CACNA2D3: variants seen among roughly 807,000 people sequenced by gnomAD.
The protein encoded by CACNA2D3 is calcium voltage-gated channel auxiliary subunit alpha2delta 3.
Under a neutral mutation model 160.6 loss-of-function variants are expected in CACNA2D3, and 60 were observed. The ratio of observed to expected loss-of-function variants is 0.37; its 90% confidence interval spans 0.30 to 0.46. The LOEUF (loss-of-function observed/expected upper bound fraction) is 0.46, where lower values mean the gene tolerates loss of function less well. CACNA2D3 is among the 20% of genes least tolerant of loss of function. The probability of loss-of-function intolerance (pLI) is 1.00; values close to 1 mark genes in which losing one functional copy is unlikely to be tolerated. For synonymous variants in CACNA2D3, 558 were observed against 492.9 expected, an observed-to-expected ratio of 1.13 and a Z score of -1.75; for missense variants, 1,205 against 1,365.0, an observed-to-expected ratio of 0.88 and a Z score of 1.85.
intron 34 of CACNA2D3, among the ~76,000 whole-genome samples, chr3:55,017,389 C>A (rs1575437207): frequency 6.6e-6 from 1 of 152,126 alleles, no homozygotes; most frequent in African/African-American, 2.4e-5. Flanking sequence ...ATTATAATGT[C>A]AAAATGGCTT....
intron 11 of CACNA2D3, among the ~76,000 whole-genome samples, chr3:54,694,653 A>G (rs1165391724): frequency 6.6e-6 from 1 of 152,114 alleles, no homozygotes; most frequent in East Asian, 1.9e-4. Flanking sequence ...CAAAATACCA[A>G]AACTTGAATT....
intron 3 of CACNA2D3, among the ~76,000 whole-genome samples, chr3:54,326,985 T>C (rs1361349056): frequency 2.0e-5 from 3 of 152,184 alleles, no homozygotes; most frequent in African/African-American, 7.2e-5. Context: ...ATCGTACGTA[T>C]ATATGTAAGG....
At chr3:54,728,813 T>TCTC (rs1258775726) in intron 11 of CACNA2D3, among the ~76,000 whole-genome samples, 1 of 152,240 alleles carries the variant, frequency 6.6e-6, no homozygotes, top group Non-Finnish European at 1.5e-5. Context: ...ACATGTGCTG[T>TCTC]CTCCTCCTTG....
chr3:54,123,627 T>G (rs1419600686), intron 2 of CACNA2D3, 33 bp downstream of exon 2: 14 of 1,560,060 alleles, frequency 9.0e-6, no homozygotes, highest in Non-Finnish European at 1.2e-5. Context: ...AAGCGATGAT[T>G]TTTCCGGCAC....
intron 4 of CACNA2D3, among the ~76,000 whole-genome samples, chr3:54,473,000 G>A (rs976150150): frequency 1.2e-4 from 19 of 152,052 alleles, no homozygotes; most frequent in African/African-American, 2.9e-4. Flanking sequence ...TCAAGCTACC[G>A]TTGACTTTTT....
At chr3:54,729,208 A>C (rs1701336632) in intron 11 of CACNA2D3, among the ~76,000 whole-genome samples, 1 of 152,166 alleles carries the variant, frequency 6.6e-6, no homozygotes, top group Admixed American at 6.5e-5. Flanking sequence ...GGTGTGAGCC[A>C]CTGCACCCAG....
chr3:54,401,587 A>C (rs1699465888), intron 4 of CACNA2D3, among the ~76,000 whole-genome samples: 1 of 152,214 alleles, frequency 6.6e-6, no homozygotes, highest in Admixed American at 6.5e-5. Context: ...CAGGAGAGAA[A>C]GGGATGAAAA....
chr3:54,661,534 G>A (rs1437383886), intron 11 of CACNA2D3, among the ~76,000 whole-genome samples: 2 of 152,000 alleles, frequency 1.3e-5, no homozygotes, highest in Non-Finnish European at 2.9e-5. Context: ...CTTGACTTAG[G>A]AAAGGGGCTA....
intron 31 of CACNA2D3, among the ~76,000 whole-genome samples, chr3:54,991,014 A>T (rs1254291492): frequency 6.6e-6 from 1 of 152,118 alleles, no homozygotes; most frequent in Non-Finnish European, 1.5e-5. Flanking sequence ...CAACTCACAG[A>T]CCAATAGGTT....
At chr3:54,364,929 AGT>A (rs1459151335) in intron 3 of CACNA2D3, among the ~76,000 whole-genome samples, 2 of 152,248 alleles carry the variant, frequency 1.3e-5, no homozygotes, top group East Asian at 3.8e-4. Flanking sequence ...CAGATTTCTT[AGT>A]ATGTACCATC....
intron 5 of CACNA2D3, among the ~76,000 whole-genome samples, chr3:54,560,816 C>T (rs1462964054): frequency 1.3e-5 from 2 of 152,206 alleles, no homozygotes; most frequent in African/African-American, 4.8e-5. Flanking sequence ...ATTCCAGCAT[C>T]ATTTATTGAA....
chr3:55,003,951 T>C (rs769708193), intron 31 of CACNA2D3, among the ~76,000 whole-genome samples: 1 of 152,174 alleles, frequency 6.6e-6, no homozygotes, highest in Non-Finnish European at 1.5e-5. Flanking sequence ...ACTTTGAGAC[T>C]GCTTCAAGTC....
At chr3:54,702,381 T>C (rs1422498510) in intron 11 of CACNA2D3, among the ~76,000 whole-genome samples, 3 of 152,082 alleles carry the variant, frequency 2.0e-5, no homozygotes, top group Non-Finnish European at 2.9e-5. Context: ...CCAGGGAATC[T>C]ATAAGGAACT....
chr3:54,822,917 C>T (rs556616993), intron 14 of CACNA2D3, among the ~76,000 whole-genome samples: 3 of 150,622 alleles, frequency 2.0e-5, no homozygotes, highest in East Asian at 2.0e-4. Flanking sequence ...TGCAATTGCG[C>T]GATCTCGGCT....
rs1698747330 is a variant in CACNA2D3 at position 54,838,612 on chromosome 3, A to T, written c.1515A>T (p.Pro505=). The T allele has an allele frequency of 6.2e-7, 1 of 1,613,644 alleles. No individual in the cohort carries two copies. Among genetic ancestry groups the T allele is most frequent in the Non-Finnish European group, 8.5e-7 (1 of 1,179,662 alleles). ...ILLGVVGTDV[P]VKELLKTIPK... The stretch of plus-strand genomic sequence containing the variant: ...TGGGAGTGGTTGGCACAGATGTCCC[A>T]GTGAAAGAACTTCTGAAGACCATCC... Residue 505 remains proline (P), a synonymous_variant, in exon 16 of 38, where the codon CCA becomes CCT. Transcript: ENST00000474759.
chr3:54,726,234 A>G (rs767832674), intron 11 of CACNA2D3, among the ~76,000 whole-genome samples: 2 of 152,210 alleles, frequency 1.3e-5, no homozygotes, highest in Non-Finnish European at 1.5e-5. Context: ...AAGCAGAACT[A>G]AAAACCAGCG....
intron 16 of CACNA2D3, among the ~76,000 whole-genome samples, chr3:54,843,783 G>A (rs1212433336): frequency 1.3e-5 from 2 of 152,190 alleles, no homozygotes; most frequent in East Asian, 1.9e-4. Context: ...TGGAATTGGA[G>A]CAAACCTGGA....
At position 54,223,085 on chromosome 3, in the gene CACNA2D3, C is replaced by A. The variant is rs553101917; in HGVS notation, c.205-97357C>A. Among the ~76,000 whole-genome samples the A allele has an allele frequency of 2.0e-5, 3 of 151,940 alleles. No individual in the cohort carries two copies. In the East Asian group the frequency reaches 5.8e-4, roughly 29 times the overall value. On this transcript the variant is annotated intron_variant, in intron 2 of 37. Transcript: ENST00000474759. ...GTTAATTAAATCTTCTTATTTTATT[C>A]TTTTGATGCTTACCCTAGATATTAC...
At chr3:54,449,524 C>T (rs932677570) in intron 4 of CACNA2D3, among the ~76,000 whole-genome samples, 3 of 152,112 alleles carry the variant, frequency 2.0e-5, no homozygotes, top group Non-Finnish European at 4.4e-5. Flanking sequence ...ATCTGTGTTC[C>T]CACCCAAATC....
Sources: gnomAD v4.1 joint callset for allele counts (sites outside exome capture counted in the v4.1 genomes callset) on GRCh38, gnomAD v4.1.1 for gene constraint, MANE v1.5 for transcripts, NCBI Gene and HGNC (gene_info 2026-07-23, HGNC 2026-07-21) for gene names.